CCM2: variants seen among roughly 807,000 people sequenced by gnomAD.
CCM2 encodes cerebral cavernous malformations 2 protein.
Under a neutral mutation model 44.9 loss-of-function variants are expected in CCM2, and 25 were observed. That is an observed-to-expected ratio of 0.56 (90% CI 0.41 to 0.78). The LOEUF is 0.78. Among genes scored for constraint, CCM2 ranks in the 30% least tolerant of loss-of-function variants. The pLI is 0.00. For missense variants in CCM2, 481 were observed against 580.6 expected (o/e 0.83, Z 1.76); for synonymous variants, 219 against 241.1 (o/e 0.91, Z 0.85).
intron 2 of CCM2, among the ~76,000 whole-genome samples, chr7:45,044,520 G>A (rs1179187238): frequency 1.3e-5 from 2 of 152,138 alleles, no homozygotes; most frequent in East Asian, 1.9e-4. Flanking sequence ...TTCAAAGGAG[G>A]GAAACCCCAA....
At chr7:45,053,575 C>A (rs1798109206) in intron 2 of CCM2, among the ~76,000 whole-genome samples, 1 of 152,144 alleles carries the variant, frequency 6.6e-6, no homozygotes, top group Non-Finnish European at 1.5e-5. Flanking sequence ...CTGCCTATTA[C>A]CAGCTGACAC....
intron 1 of CCM2, among the ~76,000 whole-genome samples, chr7:45,021,041 A>T (rs866238323): frequency 1.3e-5 from 2 of 152,174 alleles, no homozygotes; most frequent in Non-Finnish European, 2.9e-5. Flanking sequence ...CTTAGTGCTC[A>T]TGAGGTCGAG....
chr7:45,000,995 C>T (rs1795597335), intron 1 of CCM2, among the ~76,000 whole-genome samples: 2 of 152,304 alleles, frequency 1.3e-5, no homozygotes, highest in South Asian at 2.1e-4. Context: ...GTGGATTGAA[C>T]TACCATTAAA....
intron 1 of CCM2, among the ~76,000 whole-genome samples, chr7:45,001,906 A>G (rs1463912478): frequency 6.6e-6 from 1 of 152,224 alleles, no homozygotes; most frequent in Non-Finnish European, 1.5e-5. Context: ...AGAGGAGATA[A>G]TCAGTTGTTA....
chr7:45,061,878 A>G (rs1370051883), intron 2 of CCM2, among the ~76,000 whole-genome samples: 1 of 152,192 alleles, frequency 6.6e-6, no homozygotes, highest in Non-Finnish European at 1.5e-5. Flanking sequence ...GGTGGGGCTC[A>G]TGGAGGTAAA....
chr7:45,019,460 A>C (rs2128718062), intron 1 of CCM2, among the ~76,000 whole-genome samples: 1 of 152,212 alleles, frequency 6.6e-6, no homozygotes, highest in Non-Finnish European at 1.5e-5. Flanking sequence ...TTTACTCCTA[A>C]GATGTGGCCT....
intron 2 of CCM2, among the ~76,000 whole-genome samples, chr7:45,040,166 C>T (rs956236179): frequency 4.0e-5 from 6 of 150,668 alleles, no homozygotes; most frequent in African/African-American, 1.2e-4. Flanking sequence ...AGGCCAATCA[C>T]GAGGTCAGGA....
chr7:45,012,335 T>C (rs1012940286), intron 1 of CCM2, among the ~76,000 whole-genome samples: 1 of 151,660 alleles, frequency 6.6e-6, no homozygotes, highest in Non-Finnish European at 1.5e-5. Flanking sequence ...GGTTTTGCCA[T>C]GTTAGCCAGC....
intron 6 of CCM2, chr7:45,072,018 C>A (rs536907352): frequency 2.7e-6 from 1 of 371,480 alleles, no homozygotes; most frequent in African/African-American, 2.1e-5. Context: ...TCCCTTTTAT[C>A]TCTCAGCCTC....
chr7:45,021,150 A>T (rs576125394), intron 1 of CCM2, among the ~76,000 whole-genome samples: 1 of 152,222 alleles, frequency 6.6e-6, no homozygotes, highest in South Asian at 2.1e-4. Flanking sequence ...CAGCCTACTC[A>T]TGAGGCTGAG....
chr7:45,068,673 GCAC>G, intron 5 of CCM2, 94 bp downstream of exon 5: 9 of 1,520,150 alleles, frequency 5.9e-6, no homozygotes, highest in Non-Finnish European at 7.2e-6. Context: ...ACAGTGCTGG[GCAC>G]TGCTGGGTGC....
At chr7:45,043,576 C>T in intron 2 of CCM2, 1 of 267,362 alleles carries the variant, frequency 3.7e-6, no homozygotes, top group Non-Finnish European at 7.2e-6. Context: ...TTGCAGTGAG[C>T]TGGGATTGTG....
At chr7:45,010,930 T>C (rs1796041679) in intron 1 of CCM2, among the ~76,000 whole-genome samples, 1 of 152,244 alleles carries the variant, frequency 6.6e-6, no homozygotes, top group African/African-American at 2.4e-5. Flanking sequence ...TGTTTTCATT[T>C]ATTTTGGGTA....
At chr7:45,072,618 A>C (rs1055921310) in intron 6 of CCM2, 108 bp from the exon 7 acceptor site, 8 of 843,538 alleles carry the variant, frequency 9.5e-6, no homozygotes, top group African/African-American at 1.7e-5. Flanking sequence ...GGGTCCCTGA[A>C]GACCAGGGCT....
intron 1 of CCM2, among the ~76,000 whole-genome samples, chr7:45,021,798 G>A (rs1342509362): frequency 6.6e-6 from 1 of 152,028 alleles, no homozygotes; most frequent in Non-Finnish European, 1.5e-5. Flanking sequence ...TGGAGTCATT[G>A]TTCCTGCTGT....
At position 45,064,618 on chromosome 7, in the gene CCM2, C is replaced by T. The variant is rs144809793; in HGVS notation, c.444C>T (p.Asp148=). 1.9e-5 allele frequency: 30 copies of T among 1,613,800 alleles called. 1 individual carries two copies. Among genetic ancestry groups the T allele is most frequent in the African/African-American group, 1.1e-4 (8 of 74,916 alleles). Residue 148 remains aspartate (D), a synonymous_variant, in exon 4 of 10, where the codon GAC becomes GAT. Coordinates refer to ENST00000258781, the MANE Select transcript of CCM2 (RefSeq NM_031443.4). Reference sequence around the variant, plus strand: ...CCGCCGTCTCCTATGTTCGGGATGACGCTGCACACCTGGTGGTCCTGAAGA... The same window carrying T: ...CCGCCGTCTCCTATGTTCGGGATGATGCTGCACACCTGGTGGTCCTGAAGA... The part of the protein sequence containing the change: ...DIAAVSYVRD[D]AAHLVVLKTA...
intron 1 of CCM2, among the ~76,000 whole-genome samples, chr7:45,019,377 CTTTGG>C (rs1432911100): frequency 1.3e-5 from 2 of 152,084 alleles, no homozygotes; most frequent in African/African-American, 4.8e-5. Flanking sequence ...GGGTTTTATA[CTTTGG>C]TTTGGTAGAT....
chr7:45,010,006 C>T (rs1017881523), intron 1 of CCM2, among the ~76,000 whole-genome samples: 4 of 151,978 alleles, frequency 2.6e-5, no homozygotes, highest in African/African-American at 9.7e-5. Context: ...ACTTCCCAGA[C>T]TCAAGTGATC....
At chr7:45,023,222 C>T (rs1048911135) in intron 1 of CCM2, among the ~76,000 whole-genome samples, 7 of 152,158 alleles carry the variant, frequency 4.6e-5, no homozygotes, top group Middle Eastern at 3.4e-3. Context: ...GAACCATGCC[C>T]GGCCCAGACT....
Sources: gnomAD v4.1 joint callset for allele counts (sites outside exome capture counted in the v4.1 genomes callset) on GRCh38, gnomAD v4.1.1 for gene constraint, MANE v1.5 for transcripts, NCBI Gene and HGNC (gene_info 2026-07-23, HGNC 2026-07-21) for gene names.